Variants in LOC400499 observed in about 807,000 individuals in gnomAD.
chr16:11,391,194 G>A, the LOC400499 span, among the ~76,000 whole-genome samples: 1 of 152,228 alleles, frequency 6.6e-6, no homozygotes, highest in Non-Finnish European at 1.5e-5. Context: ...AGGGCCTTGG[G>A]GGCTCTGTGC....
chr16:11,393,505 T>G, the LOC400499 span: 6 of 1,232,238 alleles, frequency 4.9e-6, no homozygotes, highest in Middle Eastern at 3.1e-4. Flanking sequence ...CTTTGAGAAG[T>G]CGAGGTGGAG....
chr16:11,503,249 A>G, the LOC400499 span, among the ~76,000 whole-genome samples: 1 of 152,124 alleles, frequency 6.6e-6, no homozygotes, highest in Non-Finnish European at 1.5e-5. Context: ...ATTGTTTTAT[A>G]CAATTATTAA....
At chr16:11,420,608 CG>C in the LOC400499 span, among the ~76,000 whole-genome samples, 51,258 of 92,004 alleles carry the variant, frequency 0.56, 12,336 homozygotes, top group Non-Finnish European at 0.59. Context: ...CCCCCCCCCC[CG>C]GAAAAAAACC....
the LOC400499 span, among the ~76,000 whole-genome samples, chr16:11,418,485 T>A: frequency 6.6e-6 from 1 of 152,214 alleles, no homozygotes; most frequent in Non-Finnish European, 1.5e-5. Context: ...ACCAGCACCA[T>A]GACAGTTTAC....
the LOC400499 span, among the ~76,000 whole-genome samples, chr16:11,484,378 G>C: frequency 1.3e-5 from 2 of 152,152 alleles, no homozygotes; most frequent in African/African-American, 4.8e-5. Context: ...CTTTATCATG[G>C]TGATGATCTC....
the LOC400499 span, among the ~76,000 whole-genome samples, chr16:11,382,826 T>C: frequency 6.6e-6 from 1 of 152,212 alleles, no homozygotes; most frequent in African/African-American, 2.4e-5. Flanking sequence ...AAAAACCTAA[T>C]GGCAAATTTT....
the LOC400499 span, chr16:11,460,346 G>T: frequency 2.6e-6 from 3 of 1,159,356 alleles, no homozygotes; most frequent in Non-Finnish European, 3.5e-6. Context: ...TTCCAGCCCC[G>T]GATCCATTCC....
chr16:11,502,676 G>A, the LOC400499 span, among the ~76,000 whole-genome samples: 44 of 150,588 alleles, frequency 2.9e-4, no homozygotes, highest in Non-Finnish European at 3.4e-4. Flanking sequence ...GGGCAGTGGC[G>A]CAATCTCGGC....
chr16:11,509,510 G>A, the LOC400499 span, among the ~76,000 whole-genome samples: 6 of 151,774 alleles, frequency 4.0e-5, no homozygotes, highest in African/African-American at 1.5e-4. Flanking sequence ...GCAAGATGCA[G>A]AACAATGTAT....
chr16:11,489,743 C>T, the LOC400499 span, among the ~76,000 whole-genome samples: 4 of 152,210 alleles, frequency 2.6e-5, no homozygotes, highest in African/African-American at 4.8e-5. Flanking sequence ...ACATCACACC[C>T]CATGCCTGAA....
the LOC400499 span, chr16:11,519,039 C>A: frequency 2.5e-6 from 1 of 398,760 alleles, no homozygotes; most frequent in Non-Finnish European, 4.4e-6. Context: ...AGCACCCCAC[C>A]CACAAAGCAG....
the LOC400499 span, chr16:11,443,551 C>A: frequency 3.1e-6 from 1 of 317,648 alleles, no homozygotes; most frequent in Non-Finnish European, 6.1e-6. Context: ...TCCATAAATG[C>A]TTGCTGAAAA....
the LOC400499 span, among the ~76,000 whole-genome samples, chr16:11,409,301 A>G: frequency 6.6e-6 from 1 of 152,036 alleles, no homozygotes. Context: ...AAAATAAAAC[A>G]TTGGGTAAGG....
At chr16:11,387,912 C>G in the LOC400499 span, among the ~76,000 whole-genome samples, 1 of 152,184 alleles carries the variant, frequency 6.6e-6, no homozygotes, top group African/African-American at 2.4e-5. Context: ...GTGTGAGCCA[C>G]TGTGCCTGGC....
At chr16:11,464,786 C>T in the LOC400499 span, among the ~76,000 whole-genome samples, 3 of 152,200 alleles carry the variant, frequency 2.0e-5, no homozygotes, top group Non-Finnish European at 4.4e-5. Flanking sequence ...CATTTCCAGG[C>T]TGCAGGCAGC....
At chr16:11,396,718 C>G in the LOC400499 span, 1 of 1,227,722 alleles carries the variant, frequency 8.1e-7, no homozygotes. Flanking sequence ...ACAGGGGTGG[C>G]AGCTTCCTCT....
chr16:11,418,875 C>A, the LOC400499 span, among the ~76,000 whole-genome samples: 1 of 152,206 alleles, frequency 6.6e-6, no homozygotes, highest in African/African-American at 2.4e-5. Flanking sequence ...TTAGTAAAAC[C>A]TTCAGTGAGG....
At chr16:11,495,919 C>T in the LOC400499 span, among the ~76,000 whole-genome samples, 5 of 152,326 alleles carry the variant, frequency 3.3e-5, no homozygotes, top group African/African-American at 1.2e-4. Flanking sequence ...ACACTCACGG[C>T]TTCTCAAAAT....
chr16:11,488,655 C>A, the LOC400499 span: 1 of 398,148 alleles, frequency 2.5e-6, no homozygotes, highest in Non-Finnish European at 4.4e-6. Context: ...GCTCCAGGGT[C>A]CCCCAGCCTT....
Sources: allele counts gnomAD v4.1 joint callset (sites outside exome capture counted in the v4.1 genomes callset), GRCh38; gene constraint gnomAD v4.1.1; transcripts MANE v1.5.